The following NT5C2 variants were observed in gnomAD, a reference collection of about 807,000 sequenced individuals.
NT5C2 encodes cytosolic purine 5'-nucleotidase.
In NT5C2, 58 loss-of-function variants were observed where a neutral mutation model predicts 76.1. The observed-to-expected ratio is 0.76, with a 90% CI of 0.62 to 0.95. The LOEUF (loss-of-function observed/expected upper bound fraction) is 0.95, where lower values mean the gene tolerates loss of function less well. Ranked by LOEUF, NT5C2 falls within the 40% of genes least tolerant of loss-of-function variation. The pLI is 0.00. For missense variants in NT5C2, 478 were observed against 690.3 expected (o/e 0.69, Z 3.45); for synonymous variants, 229 against 237.4 (o/e 0.96, Z 0.32).
At chr10:103,129,132 A>G (rs2077372568) in intron 4 of NT5C2, among the ~76,000 whole-genome samples, 3 of 107,870 alleles carry the variant, frequency 2.8e-5, no homozygotes, top group African/African-American at 1.1e-4. Context: ...GTGGGGGGTC[A>G]GCCCCCCGCC....
intron 4 of NT5C2, among the ~76,000 whole-genome samples, chr10:103,129,254 G>C (rs2077421980): frequency 8.7e-6 from 1 of 114,962 alleles, no homozygotes; most frequent in Admixed American, 7.8e-5. Flanking sequence ...GGAGATGGGG[G>C]GGTCAGCCCC....
At chr10:103,184,701 T>C (rs539110794) in intron 1 of NT5C2, among the ~76,000 whole-genome samples, 6 of 152,228 alleles carry the variant, frequency 3.9e-5, no homozygotes, top group African/African-American at 1.4e-4. Flanking sequence ...CTTTTAATAC[T>C]CTAAATGAAT....
chr10:103,092,586 C>T (rs2067202038), intron 15 of NT5C2, among the ~76,000 whole-genome samples: 1 of 152,196 alleles, frequency 6.6e-6, no homozygotes, highest in African/African-American at 2.4e-5. Flanking sequence ...GGCTGGAGAA[C>T]TTGTATATCA....
At chr10:103,133,317 G>T (rs897699008) in intron 4 of NT5C2, among the ~76,000 whole-genome samples, 1 of 151,900 alleles carries the variant, frequency 6.6e-6, no homozygotes, top group Non-Finnish European at 1.5e-5. Flanking sequence ...GCCCAGGCCG[G>T]AGTGCAGTGG....
intron 3 of NT5C2, chr10:103,146,297 T>G: frequency 2.0e-6 from 2 of 985,450 alleles, no homozygotes; most frequent in Non-Finnish European, 2.4e-6. Flanking sequence ...TCTTTGGCAA[T>G]GGTGAACTTT....
At chr10:103,136,902 C>A (rs1256418788) in intron 4 of NT5C2, among the ~76,000 whole-genome samples, 1 of 152,182 alleles carries the variant, frequency 6.6e-6, no homozygotes, top group African/African-American at 2.4e-5. Context: ...GGATTACAGG[C>A]ATGAGCCACC....
intron 1 of NT5C2, among the ~76,000 whole-genome samples, chr10:103,185,204 G>T (rs1001668588): frequency 6.6e-6 from 1 of 152,090 alleles, no homozygotes; most frequent in African/African-American, 2.4e-5. Context: ...CATTTTAAAA[G>T]ACTGAGCTAT....
At chr10:103,127,595 T>G (rs1250991156) in intron 4 of NT5C2, among the ~76,000 whole-genome samples, 2 of 152,204 alleles carry the variant, frequency 1.3e-5, no homozygotes, top group African/African-American at 4.8e-5. Flanking sequence ...ATAAGAAACA[T>G]TTTAATACAA....
intron 3 of NT5C2, among the ~76,000 whole-genome samples, chr10:103,152,785 A>C (rs574048516): frequency 1.1e-3 from 171 of 152,314 alleles, no homozygotes; most frequent in Non-Finnish European, 2.2e-3. Flanking sequence ...TACAAAAATA[A>C]TATGGAACTA....
intron 3 of NT5C2, among the ~76,000 whole-genome samples, chr10:103,163,420 T>C (rs2085441004): frequency 6.6e-6 from 1 of 152,188 alleles, no homozygotes; most frequent in South Asian, 2.1e-4. Flanking sequence ...TTCCAGTGGC[T>C]CCACATCCTT....
Position 103,113,375 on chromosome 10 carries a change from T to C in NT5C2, c.176-6669A>G, listed in dbSNP as rs994053793. Among the ~76,000 whole-genome samples the C allele has an allele frequency of 5.3e-5, 8 of 152,292 alleles. No individual in the cohort carries two copies. The East Asian group carries it at 5.8e-4, about 11-fold the overall frequency. ...CTGAGAATCTGAACACTTACAAATA[T>C]CTTGTATTTTCAGTACTGTTTTCAA... On this transcript the variant is annotated intron_variant, in intron 4 of 18. Coordinates refer to ENST00000404739, the MANE Select transcript of NT5C2 (RefSeq NM_001351169.2).
chr10:103,170,679 C>T (rs1382746631), intron 3 of NT5C2, among the ~76,000 whole-genome samples: 1 of 151,724 alleles, frequency 6.6e-6, no homozygotes, highest in Non-Finnish European at 1.5e-5. Flanking sequence ...TAAGCCACCA[C>T]ACCTGGCTAA....
intron 3 of NT5C2, among the ~76,000 whole-genome samples, chr10:103,140,784 T>C (rs2080267231): frequency 6.6e-6 from 1 of 152,254 alleles, no homozygotes; most frequent in African/African-American, 2.4e-5. Flanking sequence ...TGATGATTAA[T>C]GATGTTAAGC....
intron 4 of NT5C2, among the ~76,000 whole-genome samples, chr10:103,134,115 TAGAAA>T (rs2078741900): frequency 6.6e-6 from 1 of 152,000 alleles, no homozygotes; most frequent in Admixed American, 6.5e-5. Context: ...CACAATGCAA[TAGAAA>T]AGAAAACTCA....
intron 4 of NT5C2, among the ~76,000 whole-genome samples, chr10:103,134,414 G>A (rs1057169223): frequency 6.6e-6 from 1 of 152,232 alleles, no homozygotes; most frequent in African/African-American, 2.4e-5. Flanking sequence ...GCTTCAGAGG[G>A]TGCAAGCCTC....
intron 4 of NT5C2, among the ~76,000 whole-genome samples, chr10:103,133,434 T>A (rs2078610414): frequency 6.6e-6 from 1 of 152,188 alleles, no homozygotes; most frequent in African/African-American, 2.4e-5. Context: ...GCTAATTTTG[T>A]ATTTTTAGTA....
intron 4 of NT5C2, among the ~76,000 whole-genome samples, chr10:103,121,009 A>G (rs1160454119): frequency 6.6e-6 from 1 of 152,234 alleles, no homozygotes; most frequent in Non-Finnish European, 1.5e-5. Context: ...AAAATATGCT[A>G]AAAGAAATAA....
At position 103,174,877 on chromosome 10, in the gene NT5C2, G is replaced by A. The variant is rs765292734; in HGVS notation, c.82C>T (p.Arg28Cys). 4.3e-6 allele frequency: 7 copies of A among 1,612,380 alleles called. No homozygotes were observed. The highest frequency in any genetic ancestry group is 5.9e-6 in the Non-Finnish European group (7 of 1,178,650). Reference sequence around the variant, plus strand: ...ACTTACCGATGATAGGCTTCTCGACGATACTTTTTCAGGGCATGCTTATCC... The same window carrying A: ...ACTTACCGATGATAGGCTTCTCGACAATACTTTTTCAGGGCATGCTTATCC... ...NMDKHALKKY[R>C]REAYHRVFVN... is the part of the protein sequence containing the mutation. The change falls in exon 3 of 19, where the codon CGT becomes TGT. Residue 28 changes from arginine to cysteine, a missense_variant. Transcript: ENST00000404739.
chr10:103,096,003 A>C, intron 11 of NT5C2, 23 bp from the exon 12 acceptor site: 1 of 1,591,500 alleles, frequency 6.3e-7, no homozygotes, highest in Non-Finnish European at 8.6e-7. Context: ...ATTTAACATA[A>C]GGTCCATATA....
Sources: gnomAD v4.1 joint callset for allele counts (sites outside exome capture counted in the v4.1 genomes callset) on GRCh38, gnomAD v4.1.1 for gene constraint, MANE v1.5 for transcripts, NCBI Gene and HGNC (gene_info 2026-07-23, HGNC 2026-07-21) for gene names.